The following TCERG1L variants were observed in gnomAD, a reference collection of about 807,000 sequenced individuals.
TCERG1L encodes the protein transcription elongation regulator 1 like.
In TCERG1L, 37 loss-of-function variants were observed where a neutral mutation model predicts 56.3. The observed-to-expected ratio is 0.66, with a 90% CI of 0.51 to 0.87. The LOEUF is 0.87. Ranked by LOEUF, TCERG1L falls within the 40% of genes least tolerant of loss-of-function variation. The probability of loss-of-function intolerance (pLI) is 0.00; values close to 1 mark genes in which losing one functional copy is unlikely to be tolerated. For missense variants in TCERG1L, 799 were observed against 774.2 expected, an observed-to-expected ratio of 1.03 and a Z score of -0.38; for synonymous variants, 324 against 326.3, an observed-to-expected ratio of 0.99 and a Z score of 0.08.
chr10:131,115,528 T>TCGCGCCAGGGCCAGCTCCACACG (rs1845450972), intron 9 of TCERG1L, among the ~76,000 whole-genome samples: 1 of 152,270 alleles, frequency 6.6e-6, no homozygotes, highest in Non-Finnish European at 1.5e-5. Context: ...CGCGTCCACG[T>TCGCGCCAGGGCCAGCTCCACACG]CGCGCTCTGT....
intron 4 of TCERG1L, among the ~76,000 whole-genome samples, chr10:131,215,874 G>C (rs1845664306): frequency 6.6e-6 from 1 of 152,168 alleles, no homozygotes; most frequent in South Asian, 2.1e-4. Context: ...AAGAAAAAGA[G>C]TGAGCAAAGT....
At chr10:131,248,574 C>T (rs1011911222) in intron 4 of TCERG1L, among the ~76,000 whole-genome samples, 1 of 152,188 alleles carries the variant, frequency 6.6e-6, no homozygotes, top group African/African-American at 2.4e-5. Flanking sequence ...CCGTGACCCC[C>T]TAGACTATCT....
chr10:131,215,178 T>G (rs1215514077), intron 4 of TCERG1L, among the ~76,000 whole-genome samples: 2 of 152,250 alleles, frequency 1.3e-5, no homozygotes, highest in African/African-American at 4.8e-5. Flanking sequence ...TGATTTCCCT[T>G]TATTTGAAAG....
chr10:131,105,314 T>A (rs567078385), intron 9 of TCERG1L, among the ~76,000 whole-genome samples: 1 of 152,304 alleles, frequency 6.6e-6, no homozygotes, highest in South Asian at 2.1e-4. Flanking sequence ...GTCTCCCCAC[T>A]GTGAAGTCCC....
At chr10:131,156,236 A>C (rs903388713) in intron 6 of TCERG1L, 3 of 152,154 alleles carry the variant, frequency 2.0e-5, no homozygotes, top group Non-Finnish European at 4.4e-5. Context: ...TACCAACTTC[A>C]TCTCAGAACA....
chr10:131,141,416 G>T (rs951549284), intron 7 of TCERG1L, among the ~76,000 whole-genome samples: 14 of 151,396 alleles, frequency 9.2e-5, no homozygotes, highest in African/African-American at 3.4e-4. Context: ...TGGCTGCTGC[G>T]CGGGGTCACC....
At chr10:131,238,255 CCA>C (rs774583000) in intron 4 of TCERG1L, among the ~76,000 whole-genome samples, 71 of 152,334 alleles carry the variant, frequency 4.7e-4, no homozygotes, top group Non-Finnish European at 8.2e-4. Context: ...GTTAAGGAAT[CCA>C]CACTGGAGTA....
At chr10:131,108,266 A>G (rs1845374259) in intron 9 of TCERG1L, among the ~76,000 whole-genome samples, 1 of 152,164 alleles carries the variant, frequency 6.6e-6, no homozygotes. Context: ...GCTTTAGCCC[A>G]GCGTTTCACA....
rs925122788 is a variant in TCERG1L at position 131,260,208 on chromosome 10, C to T, written c.856+51G>A. ...CAGGGGCATCTAACCAGGAAGCCTCCGCGCGCTCGCTAAGGCAGCACCAGG... is the reference window on the plus strand; with the variant it reads ...CAGGGGCATCTAACCAGGAAGCCTCTGCGCGCTCGCTAAGGCAGCACCAGG... On this transcript the variant is annotated intron_variant, in intron 4 of 11. Transcript: ENST00000368642. The surrounding 1 kb of genome is among the most constrained non-coding windows in gnomAD (Gnocchi z 5.8). 45 of 1,304,972 alleles carry T rather than the reference C, an allele frequency of 3.4e-5. No homozygotes were observed. Among genetic ancestry groups the T allele is most frequent in the Middle Eastern group, 2.8e-4 (1 of 3,608 alleles). 80.8% of individuals were successfully genotyped at this position (1,304,972 alleles called of 1,614,324 possible).
intron 9 of TCERG1L, among the ~76,000 whole-genome samples, chr10:131,111,148 T>C (rs1162216129): frequency 7.0e-6 from 1 of 143,056 alleles, no homozygotes; most frequent in African/African-American, 2.5e-5. Context: ...GTCCACGGCC[T>C]CTCCAAGGAA....
intron 4 of TCERG1L, among the ~76,000 whole-genome samples, chr10:131,206,960 G>A (rs933963992): frequency 6.6e-6 from 1 of 152,132 alleles, no homozygotes; most frequent in East Asian, 1.9e-4. Flanking sequence ...AACTCTGTTT[G>A]TTCCTAATTC....
intron 9 of TCERG1L, among the ~76,000 whole-genome samples, chr10:131,109,505 T>C (rs944853203): frequency 1.3e-5 from 2 of 152,190 alleles, no homozygotes; most frequent in Admixed American, 6.5e-5. Context: ...GCTGTGTCTG[T>C]GAACGCTGGA....
At chr10:131,197,344 G>A (rs1306897794) in intron 4 of TCERG1L, among the ~76,000 whole-genome samples, 8 of 152,064 alleles carry the variant, frequency 5.3e-5, no homozygotes, top group Non-Finnish European at 2.9e-5. Context: ...ACCATGCCCG[G>A]CTAATTATTT....
chr10:131,303,927 C>T (rs1846793964), intron 3 of TCERG1L, among the ~76,000 whole-genome samples: 1 of 151,976 alleles, frequency 6.6e-6, no homozygotes, highest in African/African-American at 2.4e-5. Context: ...TTACTAATTC[C>T]TGTGCAAAAT....
At position 131,197,510 on chromosome 10, in the gene TCERG1L, G is replaced by A. The variant is rs544804889; in HGVS notation, c.857-30625C>T. Among the ~76,000 whole-genome samples, 9 of 151,404 alleles carry A rather than the reference G, an allele frequency of 5.9e-5. No homozygotes were observed. In the South Asian group the frequency reaches 1.7e-3, roughly 28 times the overall value. ...TTTCTCCTCCATTTTTTTTTCTGAC[G>A]CAAACTTCACAAAGTGTACAAAGGT... On this transcript the variant is annotated intron_variant, in intron 4 of 11. Coordinates refer to ENST00000368642, the MANE Select transcript of TCERG1L (RefSeq NM_174937.4).
chr10:131,160,180 G>A (rs530567251), intron 6 of TCERG1L, among the ~76,000 whole-genome samples: 6 of 152,112 alleles, frequency 3.9e-5, no homozygotes, highest in Non-Finnish European at 7.4e-5. Context: ...AGTTCGTCTC[G>A]TAACACAGGA....
intron 4 of TCERG1L, among the ~76,000 whole-genome samples, chr10:131,232,465 C>G (rs372362563): frequency 5.3e-5 from 8 of 152,252 alleles, no homozygotes; most frequent in Middle Eastern, 3.2e-3. Flanking sequence ...TACACGCACA[C>G]GCTCACCTGG....
chr10:131,299,506 C>T (rs187242481), intron 3 of TCERG1L, among the ~76,000 whole-genome samples: 147 of 150,088 alleles, frequency 9.8e-4, no homozygotes, highest in African/African-American at 3.5e-3. Context: ...ATATATCTTT[C>T]GAAGATATAT....
intron 3 of TCERG1L, among the ~76,000 whole-genome samples, chr10:131,277,632 G>T (rs1420759732): frequency 6.6e-6 from 1 of 152,208 alleles, no homozygotes; most frequent in African/African-American, 2.4e-5. Context: ...AGCAGACCAG[G>T]GACAAGCTAA....
Sources: allele counts gnomAD v4.1 joint callset (sites outside exome capture counted in the v4.1 genomes callset), GRCh38; gene constraint gnomAD v4.1.1; non-coding constraint Gnocchi (gnomAD v3.1); transcripts MANE v1.5; gene names NCBI Gene and HGNC (gene_info 2026-07-23, HGNC 2026-07-21).